Variants in SORCS1 observed in about 807,000 individuals in gnomAD.
SORCS1 encodes VPS10 domain-containing receptor SorCS1.
In SORCS1, 60 loss-of-function variants were observed where a neutral mutation model predicts 146.1. That is an observed-to-expected ratio of 0.41 (90% CI 0.33 to 0.51). The LOEUF (loss-of-function observed/expected upper bound fraction) is 0.51, where lower values mean the gene tolerates loss of function less well. Among genes scored for constraint, SORCS1 ranks in the 20% least tolerant of loss-of-function variants. SORCS1 has a pLI of 0.21. For missense variants in SORCS1, 1,352 were observed against 1,487.6 expected, an observed-to-expected ratio of 0.91 and a Z score of 1.50; for synonymous variants, 637 against 584.0, an observed-to-expected ratio of 1.09 and a Z score of -1.31.
chr10:106,582,595 T>C (rs1456794311), intron 24 of SORCS1, among the ~76,000 whole-genome samples: 1 of 152,246 alleles, frequency 6.6e-6, no homozygotes, highest in Non-Finnish European at 1.5e-5. Context: ...AAACTTGTGA[T>C]AAATGGGCTT....
chr10:106,668,574 T>G (rs1851349013), intron 16 of SORCS1, among the ~76,000 whole-genome samples: 1 of 152,002 alleles, frequency 6.6e-6, no homozygotes, highest in Non-Finnish European at 1.5e-5. Flanking sequence ...ACAGACAAAT[T>G]GCAGGCAGCA....
intron 5 of SORCS1, among the ~76,000 whole-genome samples, chr10:106,760,974 G>T (rs929150937): frequency 1.3e-5 from 2 of 152,068 alleles, no homozygotes; most frequent in Non-Finnish European, 1.5e-5. Flanking sequence ...AGGCATGGTG[G>T]CGTGCACCTA....
At chr10:106,954,931 C>T (rs1381161097) in intron 2 of SORCS1, among the ~76,000 whole-genome samples, 2 of 152,236 alleles carry the variant, frequency 1.3e-5, no homozygotes, top group Admixed American at 6.5e-5. Flanking sequence ...CTGGGACCCA[C>T]CCAACAGCGA....
chr10:106,805,765 TA>T (rs991453797), intron 3 of SORCS1, among the ~76,000 whole-genome samples: 2 of 151,520 alleles, frequency 1.3e-5, no homozygotes, highest in African/African-American at 2.4e-5. Flanking sequence ...GAAATAGATT[TA>T]AAAAAAAATC....
In SORCS1 at chr10:106,577,770, G is replaced by A. The variant is rs1844657445; in HGVS notation, c.3372-215C>T. The A allele has an allele frequency of 7.0e-6, 6 of 851,800 alleles. No individual in the cohort carries two copies. In the South Asian group the frequency reaches 1.5e-4, roughly 22 times the overall value. 52.8% of individuals were successfully genotyped at this position (851,800 alleles called of 1,614,324 possible). On this transcript the variant is annotated intron_variant, in intron 25 of 25. Coordinates refer to ENST00000263054, the MANE Select transcript of SORCS1 (RefSeq NM_052918.5). ...AGAAGCTTTAGGAATGAGTAGACAG[G>A]GTGAATGCTTCTCTGGACTTGAAGG...
chr10:107,075,181 T>TA (rs1423837827), intron 1 of SORCS1, among the ~76,000 whole-genome samples: 1 of 152,164 alleles, frequency 6.6e-6, no homozygotes, highest in African/African-American at 2.4e-5. Flanking sequence ...TTTTATATGT[T>TA]AAAATCGAGA....
chr10:106,989,455 T>C (rs1956652679), intron 1 of SORCS1, among the ~76,000 whole-genome samples: 1 of 151,876 alleles, frequency 6.6e-6, no homozygotes, highest in African/African-American at 2.4e-5. Flanking sequence ...CATGATCTGT[T>C]CCTTGTTTCC....
chr10:106,684,230 C>T (rs542396723), intron 10 of SORCS1, among the ~76,000 whole-genome samples: 59 of 152,160 alleles, frequency 3.9e-4, no homozygotes, highest in Non-Finnish European at 5.4e-4. Context: ...CCCATCTACT[C>T]GGGAGGCCAA....
chr10:106,892,446 C>T (rs1951273216), intron 2 of SORCS1, among the ~76,000 whole-genome samples: 1 of 152,192 alleles, frequency 6.6e-6, no homozygotes, highest in Non-Finnish European at 1.5e-5. Context: ...CTCCACAGAA[C>T]ACCTAGCACA....
chr10:106,988,098 T>A (rs1956566738), intron 1 of SORCS1, among the ~76,000 whole-genome samples: 1 of 152,178 alleles, frequency 6.6e-6, no homozygotes, highest in Non-Finnish European at 1.5e-5. Context: ...CCCTGTGACT[T>A]TTCTGTATTG....
At position 106,679,704 on chromosome 10, in the gene SORCS1, C is replaced by T; in HGVS notation, c.1591G>A (p.Val531Ile). ...PYCSLHLHLK[V>I]SENPYTSGII... ...CCTGATGTGTAGGGATTCTCAGAGACCTTCAGGTGAAGGTGTAGTGAGCAA... is the reference window on the plus strand; with the variant it reads ...CCTGATGTGTAGGGATTCTCAGAGATCTTCAGGTGAAGGTGTAGTGAGCAA... The change falls in exon 11 of 26, where the codon GTC becomes ATC. Residue 531 changes from valine (V) to isoleucine (I), a missense_variant. Val to Ile is a conservative substitution (Grantham distance 29). This residue lies in a region of SORCS1 where 648 missense variants were observed against 793.8 expected (regional missense o/e 0.82). Transcript: ENST00000263054. 1 of 1,611,986 alleles carries T rather than the reference C, an allele frequency of 6.2e-7. No homozygotes were observed. The highest frequency in any genetic ancestry group is 8.5e-7 in the Non-Finnish European group (1 of 1,178,944).
At chr10:106,617,285 C>T (rs1564782821) in intron 21 of SORCS1, among the ~76,000 whole-genome samples, 1 of 152,004 alleles carries the variant, frequency 6.6e-6, no homozygotes, top group Non-Finnish European at 1.5e-5. Context: ...TCCTTCCTTC[C>T]TCCCTCCTTC....
intron 1 of SORCS1, among the ~76,000 whole-genome samples, chr10:106,982,584 T>C (rs1426417158): frequency 1.3e-5 from 2 of 152,192 alleles, no homozygotes; most frequent in Non-Finnish European, 2.9e-5. Flanking sequence ...GAACTCAACA[T>C]TTAAGAACAA....
intron 3 of SORCS1, among the ~76,000 whole-genome samples, chr10:106,812,947 AC>A (rs1947545282): frequency 6.6e-6 from 1 of 151,612 alleles, no homozygotes; most frequent in Non-Finnish European, 1.5e-5. Flanking sequence ...CTCAGCACGC[AC>A]ATGCAATAAT....
chr10:106,891,883 A>G (rs1444591484), intron 2 of SORCS1, among the ~76,000 whole-genome samples: 2 of 152,172 alleles, frequency 1.3e-5, no homozygotes, highest in African/African-American at 4.8e-5. Flanking sequence ...TAAGAAATGT[A>G]CTGTTCTTTC....
intron 1 of SORCS1, among the ~76,000 whole-genome samples, chr10:106,988,851 G>C (rs562352509): frequency 1.3e-5 from 2 of 152,164 alleles, no homozygotes; most frequent in East Asian, 3.9e-4. Context: ...TAAAACTATA[G>C]TATACTAAGC....
At chr10:106,979,244 G>T (rs960023775) in intron 1 of SORCS1, among the ~76,000 whole-genome samples, 7 of 152,090 alleles carry the variant, frequency 4.6e-5, no homozygotes, top group African/African-American at 1.7e-4. Context: ...ACCTTTGACA[G>T]GCAAGGTCTT....
At chr10:106,813,720 G>T (rs995794926) in intron 3 of SORCS1, among the ~76,000 whole-genome samples, 3 of 152,056 alleles carry the variant, frequency 2.0e-5, no homozygotes, top group African/African-American at 7.2e-5. Flanking sequence ...GGATCACTTG[G>T]GCCCAGGAGT....
At chr10:106,799,010 T>C (rs1333746894) in intron 3 of SORCS1, among the ~76,000 whole-genome samples, 1 of 152,200 alleles carries the variant, frequency 6.6e-6, no homozygotes, top group African/African-American at 2.4e-5. Context: ...CAAAACAGCA[T>C]GGTACTGGTA....
Sources: gnomAD v4.1 joint callset for allele counts (sites outside exome capture counted in the v4.1 genomes callset) on GRCh38, gnomAD v4.1.1 for gene constraint, gnomAD v4.1.1 regional missense constraint, MANE v1.5 for transcripts, NCBI Gene and HGNC (gene_info 2026-07-23, HGNC 2026-07-21) for gene names.